Variants in DMD observed in about 807,000 individuals in gnomAD.
DMD encodes the protein mutant dystrophin.
A neutral mutation model predicts 330.1 loss-of-function variants in DMD; 63 were observed. The observed-to-expected ratio is 0.19, with a 90% CI of 0.16 to 0.24. The LOEUF (loss-of-function observed/expected upper bound fraction) is 0.24, where lower values mean the gene tolerates loss of function less well. DMD is among the 10% of genes least tolerant of loss of function. DMD has a pLI of 1.00. For missense variants in DMD, 3,344 were observed against 2,684.1 expected, an observed-to-expected ratio of 1.25 and a Z score of -5.43; for synonymous variants, 1,223 against 959.8, an observed-to-expected ratio of 1.27 and a Z score of -5.07.
At chrX:31,727,692 A>G (rs978090984) in intron 52 of DMD, among the ~76,000 whole-genome samples, 2 of 112,090 alleles carry the variant, frequency 1.8e-5, no homozygotes, top group Non-Finnish European at 3.8e-5. Context: ...TAAGCCTCCA[A>G]GATTTGGGAG....
At chrX:32,962,596 A>G (rs2091944426) in intron 2 of DMD, among the ~76,000 whole-genome samples, 1 of 111,615 alleles carries the variant, frequency 9.0e-6, no homozygotes. Context: ...TCCAGGAGAC[A>G]TGGGGTAGAT....
At chrX:31,544,862 G>GAAAACAGGGGGTTGACAAGAATGGTTC (rs1258459764) in intron 55 of DMD, among the ~76,000 whole-genome samples, 2 of 111,191 alleles carry the variant, frequency 1.8e-5, no homozygotes, top group African/African-American at 6.5e-5. Context: ...CGGGTTCTCA[G>GAAAACAGGGGGTTGACAAGAATGGTTC]AAAACAGGGG....
intron 30 of DMD, among the ~76,000 whole-genome samples, chrX:32,403,372 T>A (rs2098098175): frequency 8.9e-6 from 1 of 111,856 alleles, no homozygotes; most frequent in African/African-American, 3.2e-5. Flanking sequence ...AATTGCAGTT[T>A]TTGCCATTAA....
intron 78 of DMD, 87 bp from the exon 79 acceptor site, chrX:31,122,017 T>C (rs1397181801): frequency 2.7e-6 from 2 of 731,589 alleles, no homozygotes; most frequent in Non-Finnish European, 4.3e-6. Flanking sequence ...TGGGAAATCA[T>C]TCCCCATTTC....
intron 43 of DMD, among the ~76,000 whole-genome samples, chrX:32,227,327 A>G (rs143786489): frequency 0.023 from 2,085 of 89,752 alleles, 84 homozygotes; most frequent in African/African-American, 0.077. Context: ...ACACACACAA[A>G]TTGCGTATGG....
chrX:32,322,757 T>C (rs749647040), intron 41 of DMD, among the ~76,000 whole-genome samples: 2 of 110,945 alleles, frequency 1.8e-5, no homozygotes, highest in Admixed American at 9.6e-5. Context: ...CTGGAAACAA[T>C]AGTAGCTTGA....
At chrX:31,559,875 C>T (rs2075098679) in intron 55 of DMD, among the ~76,000 whole-genome samples, 1 of 110,991 alleles carries the variant, frequency 9.0e-6, no homozygotes, top group South Asian at 3.8e-4. Context: ...CTCTTACTTG[C>T]TGAAAACTCC....
At chrX:32,076,952 T>G (rs1419557753) in intron 44 of DMD, among the ~76,000 whole-genome samples, 2 of 111,626 alleles carry the variant, frequency 1.8e-5, no homozygotes, top group African/African-American at 6.5e-5. Context: ...ATAGGCTTGA[T>G]GATAATAAAA....
intron 52 of DMD, among the ~76,000 whole-genome samples, chrX:31,689,535 C>T (rs1398867826): frequency 9.0e-6 from 1 of 111,504 alleles, no homozygotes; most frequent in African/African-American, 3.3e-5. Flanking sequence ...GTGAAAATGG[C>T]CATACTGCCC....
intron 1 of DMD, among the ~76,000 whole-genome samples, chrX:33,283,430 A>G (rs1374706527): frequency 9.2e-6 from 1 of 108,918 alleles, no homozygotes; most frequent in Non-Finnish European, 1.9e-5. Flanking sequence ...AGGCTGAGGC[A>G]GGAGAATTGC....
At chrX:32,402,218 C>T (rs962013) in intron 30 of DMD, among the ~76,000 whole-genome samples, 16,521 of 110,937 alleles carry the variant, frequency 0.15, 1,060 homozygotes, top group African/African-American at 0.23. Context: ...TCACATTTCA[C>T]CCTTTGCTAT....
intron 59 of DMD, among the ~76,000 whole-genome samples, chrX:31,455,086 C>T (rs2066068481): frequency 1.9e-5 from 2 of 107,911 alleles, no homozygotes; most frequent in South Asian, 8.3e-4. Flanking sequence ...CCGTGCCTGG[C>T]CCAAGCTTAC....
At chrX:32,529,518 C>T (rs1000686774) in intron 17 of DMD, among the ~76,000 whole-genome samples, 2 of 102,607 alleles carry the variant, frequency 1.9e-5, no homozygotes, top group Non-Finnish European at 2.0e-5. Flanking sequence ...CTCAGCCTCC[C>T]GAGTACCTAG....
rs770375159 is a variant in DMD at position 32,870,980 on chromosome X, A to AAAAAAAAAAAAAAAAAAAAAAAAAAG, written c.94-21161_94-21160insCTTTTTTTTTTTTTTTTTTTTTTTTT. 8.1e-5 allele frequency among the ~76,000 whole-genome samples: 3 copies of AAAAAAAAAAAAAAAAAAAAAAAAAAG among 37,209 alleles called. 1 individual carries two copies. The highest frequency in any genetic ancestry group is 1.9e-4 in the African/African-American group (2 of 10,582). 32.3% of individuals were successfully genotyped at this position (37,209 alleles called of 115,157 possible). A position where few individuals can be genotyped will look rare whatever the true frequency, so the allele number is the denominator to read the frequency against. On this transcript the variant is annotated intron_variant, in intron 2 of 78. Coordinates refer to ENST00000357033, the MANE Select transcript of DMD (RefSeq NM_004006.3). ...CAGCAAAAAAAAAAAAAAAAAAAAA[A>AAAAAAAAAAAAAAAAAAAAAAAAAAG]AAAAAAAACCACAAAACCCATCATC...
intron 44 of DMD, among the ~76,000 whole-genome samples, chrX:32,034,849 T>G (rs1262837276): frequency 1.8e-5 from 2 of 111,291 alleles, no homozygotes; most frequent in African/African-American, 6.5e-5. Flanking sequence ...AGAAGCCTAG[T>G]AAATAGAACA....
chrX:33,314,852 CTT>C lies in DMD; in HGVS notation c.7+24405_7+24406del, dbSNP rs964183685. ...CTTTTTTTTGATACGGAGTTTCACT[CTT>C]GTTGCCCAGGCTGGAGTGCAATGGC... On this transcript the variant is annotated intron_variant, in intron 1 of 17. Transcript: ENST00000288447. Among the ~76,000 whole-genome samples, 3 of 110,007 alleles carry C rather than the reference CTT, an allele frequency of 2.7e-5. No individual in the cohort carries two copies. In the Admixed American group the frequency reaches 2.9e-4, roughly 11 times the overall value.
At chrX:31,340,905 T>C (rs920968543) in intron 61 of DMD, among the ~76,000 whole-genome samples, 6 of 112,288 alleles carry the variant, frequency 5.3e-5, no homozygotes, top group Non-Finnish European at 9.4e-5. Context: ...CCTGACATTT[T>C]AGAGATTAAG....
intron 48 of DMD, among the ~76,000 whole-genome samples, chrX:31,853,620 T>C (rs910994895): frequency 1.8e-5 from 2 of 111,369 alleles, no homozygotes; most frequent in Non-Finnish European, 3.8e-5. Context: ...GTATGAGAAT[T>C]TGTACTTTGA....
intron 18 of DMD, among the ~76,000 whole-genome samples, chrX:32,505,820 G>T (rs1433960335): frequency 8.9e-6 from 1 of 111,775 alleles, no homozygotes; most frequent in Non-Finnish European, 1.9e-5. Context: ...ATTATTCAGT[G>T]CTTAAAAATG....
Sources: allele counts gnomAD v4.1 joint callset (sites outside exome capture counted in the v4.1 genomes callset), GRCh38; gene constraint gnomAD v4.1.1; transcripts MANE v1.5; gene names NCBI Gene and HGNC (gene_info 2026-07-23, HGNC 2026-07-21).